The following ANXA8 variants were observed in gnomAD, a reference collection of about 807,000 sequenced individuals.
The protein encoded by ANXA8 is annexin A8, also known as VAC-beta.
Under a neutral mutation model 26.8 loss-of-function variants are expected in ANXA8, and 9 were observed. That is an observed-to-expected ratio of 0.34 (90% confidence interval 0.20 to 0.59). The LOEUF is 0.59. ANXA8 is among the 20% of genes least tolerant of loss of function. ANXA8 has a pLI of 0.84. For missense variants in ANXA8, 83 were observed against 238.5 expected (o/e 0.35, Z 4.29); for synonymous variants, 39 against 94.8 (o/e 0.41, Z 3.42).
At chr10:47,954,153 A>G in the ANXA8 span, among the ~76,000 whole-genome samples, 1 of 150,594 alleles carries the variant, frequency 6.6e-6, no homozygotes, top group Non-Finnish European at 1.5e-5. Context: ...TTGTTCAACA[A>G]TAGACAAATG....
At chr10:47,652,459 T>C in the ANXA8 span, among the ~76,000 whole-genome samples, 1 of 150,970 alleles carries the variant, frequency 6.6e-6, no homozygotes, top group Non-Finnish European at 1.5e-5. Flanking sequence ...TGGCTGGGCG[T>C]GTTGGTACAT....
the ANXA8 span, among the ~76,000 whole-genome samples, chr10:47,947,467 C>T: frequency 6.8e-6 from 1 of 147,396 alleles, no homozygotes; most frequent in Admixed American, 6.7e-5. Context: ...GAAATCTGTA[C>T]AGTTGATATG....
At chr10:47,476,975 C>CA in intron 4 of ANXA8, 106 bp downstream of exon 4, 1 of 1,423,940 alleles carries the variant, frequency 7.0e-7, no homozygotes, top group South Asian at 1.3e-5. Flanking sequence ...CCATTCCAAA[C>CA]AGTGGCTCAA....
the ANXA8 span, among the ~76,000 whole-genome samples, chr10:47,956,701 G>C: frequency 1.3e-5 from 2 of 150,614 alleles, no homozygotes; most frequent in South Asian, 4.2e-4. Context: ...CAGCAGTTTT[G>C]TATCACTGTA....
the ANXA8 span, among the ~76,000 whole-genome samples, chr10:47,500,282 G>C: frequency 7.1e-6 from 1 of 140,516 alleles, no homozygotes; most frequent in Non-Finnish European, 1.5e-5. Flanking sequence ...CTCTACATCA[G>C]ATTCATGCTC....
chr10:47,733,357 C>T, the ANXA8 span, among the ~76,000 whole-genome samples: 5 of 132,356 alleles, frequency 3.8e-5, no homozygotes, highest in East Asian at 2.5e-4. Context: ...AGGTCTTTTA[C>T]GCTGTTATTG....
the ANXA8 span, among the ~76,000 whole-genome samples, chr10:47,513,661 A>G: frequency 5.7e-5 from 8 of 140,550 alleles, 2 homozygotes; most frequent in East Asian, 1.8e-3. Context: ...AGTCGCCAAA[A>G]TAGCACGGTA....
At chr10:47,743,359 T>TATATATAC in the ANXA8 span, among the ~76,000 whole-genome samples, 2 of 40,524 alleles carry the variant, frequency 4.9e-5, no homozygotes, top group South Asian at 1.5e-3. Context: ...TATATACACA[T>TATATATAC]ATATATATAT....
the ANXA8 span, among the ~76,000 whole-genome samples, chr10:47,748,730 T>A: frequency 2.0e-5 from 3 of 150,662 alleles, no homozygotes; most frequent in Admixed American, 2.0e-4. Flanking sequence ...GGCTCAAGGG[T>A]GCTGGGATGA....
At chr10:47,533,223 A>ACACACACC in the ANXA8 span, among the ~76,000 whole-genome samples, 10 of 139,200 alleles carry the variant, frequency 7.2e-5, 2 homozygotes, top group East Asian at 5.1e-4. Context: ...ACACACACAC[A>ACACACACC]CCCCCGCAGA....
At chr10:47,717,974 G>A in the ANXA8 span, among the ~76,000 whole-genome samples, 1 of 144,788 alleles carries the variant, frequency 6.9e-6, no homozygotes, top group African/African-American at 2.6e-5. Context: ...GTGCAGACTG[G>A]GTGACAGAGC....
At chr10:47,665,884 A>G in the ANXA8 span, among the ~76,000 whole-genome samples, 1 of 151,854 alleles carries the variant, frequency 6.6e-6, no homozygotes, top group East Asian at 1.9e-4. Flanking sequence ...GGAGAGCACA[A>G]TCTGTGCATA....
the ANXA8 span, chr10:47,763,035 C>G: frequency 5.7e-5 from 60 of 1,058,796 alleles, no homozygotes; most frequent in Admixed American, 5.6e-5. Flanking sequence ...CCTTCACCGC[C>G]GCGTCTGACA....
At chr10:47,652,625 T>C in the ANXA8 span, among the ~76,000 whole-genome samples, 1 of 147,988 alleles carries the variant, frequency 6.8e-6, no homozygotes, top group East Asian at 2.0e-4. Flanking sequence ...TGGTATTTGC[T>C]TTGGAATTAA....
At chr10:47,733,191 T>TTCTTTCTTTCTTTCTCTCTCTCTCTCTC in the ANXA8 span, among the ~76,000 whole-genome samples, 13 of 106,536 alleles carry the variant, frequency 1.2e-4, no homozygotes, top group Admixed American at 3.8e-4. Flanking sequence ...CTTTCTTTCT[T>TTCTTTCTTTCTTTCTCTCTCTCTCTCTC]TCTTTCTTTC....
At chr10:47,626,536 G>T in the ANXA8 span, among the ~76,000 whole-genome samples, 1 of 149,644 alleles carries the variant, frequency 6.7e-6, no homozygotes. Flanking sequence ...GTTTTAGAAC[G>T]TTAAAGTTTC....
At chr10:47,651,091 C>T in the ANXA8 span, among the ~76,000 whole-genome samples, 9 of 151,298 alleles carry the variant, frequency 5.9e-5, no homozygotes, top group Admixed American at 2.0e-4. Flanking sequence ...TCCAGCTAGT[C>T]GAGAAGCTGA....
chr10:47,660,953 G>T, the ANXA8 span, among the ~76,000 whole-genome samples: 1 of 151,734 alleles, frequency 6.6e-6, no homozygotes, highest in African/African-American at 2.4e-5. Context: ...AAATAAAGAT[G>T]TTACTCTCCT....
the ANXA8 span, among the ~76,000 whole-genome samples, chr10:47,557,009 T>C: frequency 3.0e-5 from 4 of 133,400 alleles, no homozygotes; most frequent in East Asian, 2.3e-4. Context: ...CTTTCTTTTT[T>C]TTTTTTTTTT....
Sources: gnomAD v4.1 joint callset for allele counts (sites outside exome capture counted in the v4.1 genomes callset) on GRCh38, gnomAD v4.1.1 for gene constraint, MANE v1.5 for transcripts, NCBI Gene and HGNC (gene_info 2026-07-23, HGNC 2026-07-21) for gene names.